The following TUT4 variants were observed in gnomAD, a reference collection of about 807,000 sequenced individuals.
TUT4 encodes the protein terminal uridylyltransferase 4.
A neutral mutation model predicts 192.2 loss-of-function variants in TUT4; 36 were observed. The ratio of observed to expected loss-of-function variants is 0.19; its 90% CI spans 0.14 to 0.25. The LOEUF is 0.25. Ranked by LOEUF, TUT4 falls within the 10% of genes least tolerant of loss-of-function variation. The probability of loss-of-function intolerance (pLI) is 1.00; values close to 1 mark genes in which losing one functional copy is unlikely to be tolerated. For missense variants in TUT4, 1,493 were observed against 1,957.2 expected (o/e 0.76, Z 4.47); for synonymous variants, 618 against 666.0 (o/e 0.93, Z 1.11).
chr1:52,446,649 T>C lies in TUT4; in HGVS notation c.3454A>G (p.Ile1152Val). 6.2e-7 allele frequency: 1 copy of C among 1,603,670 alleles called. No homozygotes were observed. Among genetic ancestry groups the C allele is most frequent in the Non-Finnish European group, 8.5e-7 (1 of 1,177,214 alleles). The change falls in exon 21 of 30, where the codon ATT (isoleucine) becomes GTT (valine). Residue 1152 changes from isoleucine (I) to valine (V), a missense_variant. Ile to Val is a conservative substitution (Grantham distance 29). This residue lies in a region of TUT4 where 141 missense variants were observed against 382.7 expected (regional missense o/e 0.37). Coordinates refer to ENST00000257177, the MANE Select transcript of TUT4 (RefSeq NM_001009881.3). ...CATCCATCAACCATTCTCTGTGGAA[T>C]CTGTTTTCCATCAAAGATCTGCATA... ...VLQEIFDGKQIPQRMVDGWNA... is the reference protein window; with the variant it reads ...VLQEIFDGKQVPQRMVDGWNA...
rs1666851483 is a variant in TUT4, at chr1:52,475,531, T to C, written c.2028A>G (p.Pro676=). 15 of 1,607,574 alleles carry C rather than the reference T, an allele frequency of 9.3e-6. No homozygotes were observed. Among genetic ancestry groups the C allele is most frequent in the Non-Finnish European group, 1.1e-5 (13 of 1,176,862 alleles). ...GTGCAACATTCCTCTTGACTGAAAA[T>C]GGATCTAGCAAAAGAGAAAATGGTA... is the stretch of plus-strand genomic sequence containing the variant. The part of the protein sequence containing the change: ...WPKRRIAIED[P]FSVKRNVARS... The change falls in exon 13 of 30, where the codon CCA becomes CCG. Residue 676 remains proline (P), a synonymous_variant. Coordinates refer to ENST00000257177, the MANE Select transcript of TUT4 (RefSeq NM_001009881.3).
intron 4 of TUT4, among the ~76,000 whole-genome samples, chr1:52,500,713 G>C (rs1409569197): frequency 6.6e-6 from 1 of 152,122 alleles, no homozygotes; most frequent in African/African-American, 2.4e-5. Flanking sequence ...AATGAGCCGA[G>C]ATTGTGCCAT....
intron 21 of TUT4, 31 bp from the exon 22 acceptor site, chr1:52,446,473 T>C: frequency 3.2e-6 from 5 of 1,571,628 alleles, no homozygotes; most frequent in South Asian, 1.2e-5. Flanking sequence ...AAAAGAACAA[T>C]GTCTATACAG....
chr1:52,522,592 A>C (rs1680566942), intron 2 of TUT4, among the ~76,000 whole-genome samples: 1 of 152,234 alleles, frequency 6.6e-6, no homozygotes, highest in Admixed American at 6.5e-5. Flanking sequence ...ATTCTTAACT[A>C]TCTCTCTATG....
intron 2 of TUT4, among the ~76,000 whole-genome samples, chr1:52,518,161 T>C (rs948111631): frequency 6.6e-6 from 1 of 152,216 alleles, no homozygotes; most frequent in Non-Finnish European, 1.5e-5. Context: ...CATAGAATAT[T>C]CACAATAGCC....
intron 9 of TUT4, among the ~76,000 whole-genome samples, chr1:52,484,615 T>C (rs1355071831): frequency 2.6e-5 from 4 of 152,238 alleles, no homozygotes; most frequent in African/African-American, 9.6e-5. Flanking sequence ...GCATTTAGCA[T>C]GCTGAGTCCA....
At chr1:52,549,772 C>T (rs1459613801) in intron 1 of TUT4, among the ~76,000 whole-genome samples, 1 of 152,010 alleles carries the variant, frequency 6.6e-6, no homozygotes, top group Non-Finnish European at 1.5e-5. Context: ...AAACAGGTTT[C>T]AAAGGGCTGT....
chr1:52,504,810 T>C (rs961667573), intron 4 of TUT4, among the ~76,000 whole-genome samples: 2 of 152,220 alleles, frequency 1.3e-5, no homozygotes, highest in Non-Finnish European at 2.9e-5. Context: ...AAAAACCTCA[T>C]GTAAGTGGAA....
intron 3 of TUT4, among the ~76,000 whole-genome samples, chr1:52,512,587 C>T (rs1677490183): frequency 6.6e-6 from 1 of 152,140 alleles, no homozygotes; most frequent in South Asian, 2.1e-4. Context: ...CAAAACTGCT[C>T]TCATCATCAT....
At chr1:52,517,856 C>T (rs1025931020) in intron 2 of TUT4, among the ~76,000 whole-genome samples, 14 of 152,134 alleles carry the variant, frequency 9.2e-5, no homozygotes, top group Non-Finnish European at 1.6e-4. Flanking sequence ...AATAATGTAA[C>T]CTTCTTCTCT....
chr1:52,509,417 A>T (rs553350896), intron 4 of TUT4, among the ~76,000 whole-genome samples, 179 bp downstream of exon 4: 53 of 152,344 alleles, frequency 3.5e-4, no homozygotes, highest in Admixed American at 7.2e-4. Context: ...ACCGGTCTCA[A>T]CAAGGTTCCT....
At chr1:52,427,038 A>G (rs1318233195) in intron 28 of TUT4, among the ~76,000 whole-genome samples, 1 of 152,210 alleles carries the variant, frequency 6.6e-6, no homozygotes, top group Non-Finnish European at 1.5e-5. Flanking sequence ...CTTATTAGAT[A>G]ATAATACTAT....
At chr1:52,526,424 AT>A in intron 1 of TUT4, 51 bp from the exon 2 acceptor site, 2 of 751,834 alleles carry the variant, frequency 2.7e-6, no homozygotes, top group Admixed American at 4.3e-5. Flanking sequence ...TGCAAAAACA[AT>A]TTTTTATGGT....
chr1:52,435,341 C>G lies in TUT4; in HGVS notation c.4263+24G>C, dbSNP rs748875411. ...TACTGCTATCATCAGTCAAGACTAA[C>G]ACATTCACAGGCAGAGTACTTACAC... On this transcript the variant is annotated intron_variant, in intron 27 of 29. Coordinates refer to ENST00000257177, the MANE Select transcript of TUT4 (RefSeq NM_001009881.3). 7.6e-6 allele frequency: 12 copies of G among 1,581,820 alleles called. No individual in the cohort carries two copies. In the South Asian group the frequency reaches 8.9e-5, roughly 12 times the overall value.
At chr1:52,442,302 G>T (rs1427169395) in intron 24 of TUT4, among the ~76,000 whole-genome samples, 1 of 151,810 alleles carries the variant, frequency 6.6e-6, no homozygotes, top group Non-Finnish European at 1.5e-5. Flanking sequence ...TAATGATGTA[G>T]AAAAATAACT....
At chr1:52,522,829 G>A (rs1357897016) in intron 2 of TUT4, among the ~76,000 whole-genome samples, 5 of 151,872 alleles carry the variant, frequency 3.3e-5, no homozygotes, top group African/African-American at 1.2e-4. Flanking sequence ...GGGAGGCTGA[G>A]GTAGGAGAAT....
chr1:52,485,660 C>T (rs187325759), intron 9 of TUT4, among the ~76,000 whole-genome samples: 9 of 149,830 alleles, frequency 6.0e-5, no homozygotes, highest in Non-Finnish European at 1.2e-4. Context: ...GAGAACATGC[C>T]CTTTCAGCAT....
chr1:52,441,942 G>A (rs1292872417), intron 24 of TUT4, among the ~76,000 whole-genome samples: 1 of 151,976 alleles, frequency 6.6e-6, no homozygotes, highest in Non-Finnish European at 1.5e-5. Flanking sequence ...GCCGAGGCGG[G>A]CAATCATTTG....
chr1:52,531,875 C>G (rs890058703), intron 1 of TUT4, among the ~76,000 whole-genome samples: 2 of 114,942 alleles, frequency 1.7e-5, no homozygotes, highest in African/African-American at 6.7e-5. Flanking sequence ...TAGAGACTGT[C>G]TTTTCTCATC....
Sources: gnomAD v4.1 joint callset for allele counts (sites outside exome capture counted in the v4.1 genomes callset) on GRCh38, gnomAD v4.1.1 for gene constraint, gnomAD v4.1.1 regional missense constraint, MANE v1.5 for transcripts, NCBI Gene and HGNC (gene_info 2026-07-23, HGNC 2026-07-21) for gene names.